Variants in SYNE2 observed in about 807,000 individuals in gnomAD.
SYNE2 encodes the protein nesprin-2.
A neutral mutation model predicts 856.3 loss-of-function variants in SYNE2; 431 were observed. The observed-to-expected ratio is 0.50, with a 90% CI of 0.47 to 0.55. The LOEUF is 0.55. Among genes scored for constraint, SYNE2 ranks in the 20% least tolerant of loss-of-function variants. The pLI, the probability that SYNE2 is intolerant of heterozygous loss-of-function variation, is 0.00. For synonymous variants in SYNE2, 2,923 were observed against 2,872.3 expected (o/e 1.02, Z -0.56); for missense variants, 8,129 against 8,023.2 (o/e 1.01, Z -0.50).
intron 1 of SYNE2, among the ~76,000 whole-genome samples, chr14:63,815,170 ACATATATATCCATATATATATC>A (rs1888896401): frequency 1.7e-5 from 2 of 114,590 alleles, no homozygotes; most frequent in African/African-American, 6.4e-5. Flanking sequence ...ATATATATCC[ACATATATATCCATATATATATC>A]CATATATATA....
intron 1 of SYNE2, among the ~76,000 whole-genome samples, chr14:63,826,409 C>T (rs1015090720): frequency 1.3e-5 from 2 of 152,180 alleles, no homozygotes; most frequent in Non-Finnish European, 2.9e-5. Flanking sequence ...AAGCGATTCT[C>T]CTGCCTCAGC....
At chr14:63,809,998 G>T (rs1296967212) in intron 1 of SYNE2, among the ~76,000 whole-genome samples, 2 of 152,144 alleles carry the variant, frequency 1.3e-5, no homozygotes, top group African/African-American at 4.8e-5. Context: ...CAAGGCAGGA[G>T]GATATCTTAA....
intron 2 of SYNE2, among the ~76,000 whole-genome samples, chr14:63,922,635 C>T (rs1027051228): frequency 7.2e-5 from 11 of 152,136 alleles, no homozygotes; most frequent in African/African-American, 2.7e-4. Flanking sequence ...ATAAAAAATA[C>T]TCATGTGTTA....
chr14:64,141,619 A>G, intron 81 of SYNE2, 96 bp downstream of exon 81: 2 of 1,340,396 alleles, frequency 1.5e-6, no homozygotes, highest in Non-Finnish European at 1.1e-6. Context: ...TTTCATTGAC[A>G]CTACCTATTT....
intron 2 of SYNE2, among the ~76,000 whole-genome samples, chr14:63,935,107 A>G (rs1334167891): frequency 6.6e-6 from 1 of 152,054 alleles, no homozygotes; most frequent in Admixed American, 6.6e-5. Flanking sequence ...TTGCTCAGAG[A>G]TTCTAGGAGA....
intron 75 of SYNE2, 36 bp from the exon 76 acceptor site, chr14:64,130,012 G>A: frequency 6.2e-7 from 1 of 1,613,266 alleles, no homozygotes; most frequent in Non-Finnish European, 8.5e-7. Flanking sequence ...CCGGTTGGAT[G>A]AAAATGCATG....
chr14:64,112,287 A>T (rs937396474), intron 65 of SYNE2, among the ~76,000 whole-genome samples: 4 of 152,254 alleles, frequency 2.6e-5, no homozygotes, highest in African/African-American at 7.2e-5. Context: ...TTATTATTAG[A>T]TGCTAACACG....
chr14:63,782,307 A>G (rs1051053689), intron 1 of SYNE2, among the ~76,000 whole-genome samples: 51 of 151,874 alleles, frequency 3.4e-4, no homozygotes, highest in African/African-American at 8.7e-4. Flanking sequence ...AACCCTGTTG[A>G]AAATACAAAA....
intron 2 of SYNE2, among the ~76,000 whole-genome samples, chr14:63,930,285 C>CA (rs1328534376): frequency 0.083 from 5,364 of 64,844 alleles, 130 homozygotes; most frequent in African/African-American, 0.14. Context: ...GACCCTGTCT[C>CA]AAAAAAAAAA....
At chr14:63,995,569 G>T (rs2096706702) in intron 23 of SYNE2, among the ~76,000 whole-genome samples, 1 of 152,110 alleles carries the variant, frequency 6.6e-6, no homozygotes, top group Non-Finnish European at 1.5e-5. Context: ...AGGGTACAAA[G>T]CAGCTGGGGC....
intron 34 of SYNE2, among the ~76,000 whole-genome samples, chr14:64,018,968 G>T (rs1384164654): frequency 6.6e-6 from 1 of 152,122 alleles, no homozygotes; most frequent in Non-Finnish European, 1.5e-5. Context: ...TTATTTGTTT[G>T]TATCATATAA....
At chr14:63,809,141 G>A (rs1365837737) in intron 1 of SYNE2, among the ~76,000 whole-genome samples, 1 of 151,950 alleles carries the variant, frequency 6.6e-6, no homozygotes. Context: ...GATGTGCCAC[G>A]ATCTGCTCCT....
At chr14:64,009,733 A>G (rs1460610397) in intron 31 of SYNE2, among the ~76,000 whole-genome samples, 1 of 152,086 alleles carries the variant, frequency 6.6e-6, no homozygotes, top group African/African-American at 2.4e-5. Flanking sequence ...TACATCTGGT[A>G]ACTTTTTAAT....
At chr14:64,138,152 A>T (rs185457069) in intron 79 of SYNE2, among the ~76,000 whole-genome samples, 169 bp downstream of exon 79, 1 of 152,236 alleles carries the variant, frequency 6.6e-6, no homozygotes, top group East Asian at 1.9e-4. Context: ...AGAATCTCTG[A>T]TGGTTTGCTA....
At chr14:63,905,649 C>T (rs75885599) in intron 1 of SYNE2, among the ~76,000 whole-genome samples, 1 of 152,196 alleles carries the variant, frequency 6.6e-6, no homozygotes, top group Non-Finnish European at 1.5e-5. Context: ...ATTGATTTTA[C>T]ATCCTGAAAC....
rs201538331 is a variant in SYNE2, at chr14:64,225,326, G to A, written c.20524G>A (p.Gly6842Ser). 44 of 1,613,946 alleles carry A rather than the reference G, an allele frequency of 2.7e-5. No homozygotes were observed. Among genetic ancestry groups the A allele is most frequent in the African/African-American group, 1.2e-4 (9 of 74,914 alleles). ...GEEETESRVPGSTRPQRSFLS... is the reference protein window; with the variant it reads ...GEEETESRVPSSTRPQRSFLS... The stretch of plus-strand genomic sequence containing the variant: ...AACCTCCTCTGTTGGCAGGGTCCCC[G>A]GCAGCACACGGCCACAGCGCTCCTT... Residue 6842 changes from glycine (G) to serine (S), a missense_variant, in exon 116 of 116, where the codon GGC becomes AGC. Physicochemically the swap from Gly to Ser is moderately conservative, Grantham distance 56. Around this residue, in one of 3 missense-constraint regions of SYNE2, gnomAD observed 5,410 missense variants for 5,284.8 expected, o/e 1.02. Coordinates refer to ENST00000555002, the MANE Select transcript of SYNE2 (RefSeq NM_182914.3).
At chr14:64,217,421 C>T (rs778123760) in intron 108 of SYNE2, among the ~76,000 whole-genome samples, 3 of 152,170 alleles carry the variant, frequency 2.0e-5, no homozygotes, top group South Asian at 4.1e-4. Context: ...AGGGCAGCAG[C>T]GAGAGAAATT....
At chr14:63,998,408 T>C in intron 26 of SYNE2, 80 bp downstream of exon 26, 1 of 949,058 alleles carries the variant, frequency 1.1e-6, no homozygotes, top group African/African-American at 1.6e-5. Flanking sequence ...TTTAAAAGTT[T>C]TATTTTCATT....
intron 99 of SYNE2, among the ~76,000 whole-genome samples, chr14:64,192,297 G>T (rs554531715): frequency 6.6e-6 from 1 of 152,120 alleles, no homozygotes; most frequent in Admixed American, 6.5e-5. Context: ...AGTCTTCTCG[G>T]GCCCTTGGCA....
Sources: allele counts gnomAD v4.1 joint callset (sites outside exome capture counted in the v4.1 genomes callset), GRCh38; gene constraint gnomAD v4.1.1; regional missense constraint gnomAD v4.1.1; transcripts MANE v1.5; gene names NCBI Gene and HGNC (gene_info 2026-07-23, HGNC 2026-07-21).